ADAMTSL1: variants seen among roughly 807,000 people sequenced by gnomAD.
ADAMTSL1 encodes the protein ADAMTS like 1.
ADAMTSL1 carries 126 observed loss-of-function variants against 201.8 expected under a neutral mutation model. That is an observed-to-expected ratio of 0.62 (90% CI 0.54 to 0.72). The LOEUF (loss-of-function observed/expected upper bound fraction) is 0.72, where lower values mean the gene tolerates loss of function less well. Among genes scored for constraint, ADAMTSL1 ranks in the 30% least tolerant of loss-of-function variants. The pLI, the probability that ADAMTSL1 is intolerant of heterozygous loss-of-function variation, is 0.00. For missense variants in ADAMTSL1, 2,679 were observed against 2,277.8 expected, an observed-to-expected ratio of 1.18 and a Z score of -3.59; for synonymous variants, 1,121 against 903.4, an observed-to-expected ratio of 1.24 and a Z score of -4.32.
intron 1 of ADAMTSL1, among the ~76,000 whole-genome samples, chr9:18,064,949 T>A: frequency 7.6e-6 from 1 of 131,572 alleles, no homozygotes. Context: ...CAGTATTTGC[T>A]AAAGATTTTT....
intron 4 of ADAMTSL1, among the ~76,000 whole-genome samples, chr9:18,579,502 A>C (rs1180027169): frequency 6.6e-6 from 1 of 151,792 alleles, no homozygotes; most frequent in East Asian, 1.9e-4. Flanking sequence ...TAATTAAAAA[A>C]TAAATAAATA....
At position 18,118,187 on chromosome 9, in the gene ADAMTSL1, C is replaced by T. The variant is rs551043866; in HGVS notation, c.88-45675C>T. On this transcript the variant is annotated intron_variant, in intron 1 of 29. Transcript: ENST00000680146. ...CACTTGCATCTTGATTAAAAAGAGC[C>T]GTAGCTTCTATTCAGAAATGGAAAG... Among the ~76,000 whole-genome samples the T allele has an allele frequency of 5.1e-4, 77 of 152,238 alleles. No individual in the cohort carries two copies. In the South Asian group the frequency reaches 0.011, roughly 21 times the overall value.
At chr9:18,056,748 C>T (rs190271487) in intron 1 of ADAMTSL1, among the ~76,000 whole-genome samples, 1 of 152,246 alleles carries the variant, frequency 6.6e-6, no homozygotes, top group African/African-American at 2.4e-5. Flanking sequence ...AGTGGGGTAA[C>T]GTCCTGCTAC....
At chr9:18,030,138 GA>G (rs1364895634) in intron 1 of ADAMTSL1, among the ~76,000 whole-genome samples, 1 of 152,156 alleles carries the variant, frequency 6.6e-6, no homozygotes, top group African/African-American at 2.4e-5. Flanking sequence ...CAAAGACTTG[GA>G]ACCAACCCAA....
At chr9:18,522,757 C>T (rs1390380426) in intron 2 of ADAMTSL1, among the ~76,000 whole-genome samples, 1 of 151,976 alleles carries the variant, frequency 6.6e-6, no homozygotes, top group Non-Finnish European at 1.5e-5. Flanking sequence ...CATGTCCCTA[C>T]ATAGGACATG....
chr9:18,772,674 T>C (rs1265605179), intron 17 of ADAMTSL1, among the ~76,000 whole-genome samples: 1 of 152,224 alleles, frequency 6.6e-6, no homozygotes, highest in African/African-American at 2.4e-5. Context: ...ATATATTGCA[T>C]GTAAAATACT....
chr9:17,989,450 T>TA (rs1175581492), intron 1 of ADAMTSL1, among the ~76,000 whole-genome samples: 1 of 152,026 alleles, frequency 6.6e-6, no homozygotes, highest in Non-Finnish European at 1.5e-5. Flanking sequence ...TAGAGTGTTT[T>TA]AAAAAATCAC....
At chr9:18,873,269 A>G (rs955781145) in intron 23 of ADAMTSL1, among the ~76,000 whole-genome samples, 58 of 152,086 alleles carry the variant, frequency 3.8e-4, no homozygotes, top group African/African-American at 1.3e-3. Flanking sequence ...TCTGCTGATT[A>G]TTTCCTTTGC....
At chr9:18,124,077 GTTTTTTT>G (rs1157492042) in intron 1 of ADAMTSL1, among the ~76,000 whole-genome samples, 1 of 70,838 alleles carries the variant, frequency 1.4e-5, no homozygotes, top group Admixed American at 2.0e-4. Flanking sequence ...TTATTTGCCA[GTTTTTTT>G]TTTTTTTTTT....
chr9:18,207,963 TG>T (rs1829722945), intron 2 of ADAMTSL1, among the ~76,000 whole-genome samples: 1 of 152,212 alleles, frequency 6.6e-6, no homozygotes. Context: ...GCGTAGGTTT[TG>T]GAAGTTCACA....
At chr9:18,842,975 T>C (rs1181997477) in intron 23 of ADAMTSL1, among the ~76,000 whole-genome samples, 3 of 152,214 alleles carry the variant, frequency 2.0e-5, no homozygotes, top group Admixed American at 1.3e-4. Flanking sequence ...TGATGGGTCT[T>C]GACTCTTTAT....
chr9:18,816,194 A>G (rs891941102), intron 20 of ADAMTSL1, among the ~76,000 whole-genome samples: 3 of 152,110 alleles, frequency 2.0e-5, no homozygotes, highest in Admixed American at 2.0e-4. Flanking sequence ...CTACTTCTAT[A>G]AGATCAACTT....
chr9:18,162,864 T>C (rs1163509876), intron 1 of ADAMTSL1, among the ~76,000 whole-genome samples: 7 of 152,008 alleles, frequency 4.6e-5, no homozygotes, highest in Non-Finnish European at 8.8e-5. Context: ...TTTTACTTGT[T>C]CCTTGAGCAG....
At chr9:18,525,689 A>G (rs1166542191) in intron 2 of ADAMTSL1, among the ~76,000 whole-genome samples, 1 of 152,128 alleles carries the variant, frequency 6.6e-6, no homozygotes, top group Non-Finnish European at 1.5e-5. Flanking sequence ...TTCTGCCTTC[A>G]TTTCATTTTG....
intron 4 of ADAMTSL1, among the ~76,000 whole-genome samples, chr9:18,611,965 G>C (rs889256827): frequency 2.0e-5 from 3 of 152,116 alleles, no homozygotes; most frequent in African/African-American, 4.8e-5. Flanking sequence ...AAGGTAAAGG[G>C]AAGAGCCAGG....
chr9:18,684,609 G>C, intron 12 of ADAMTSL1, 107 bp from the exon 13 acceptor site: 1 of 1,235,644 alleles, frequency 8.1e-7, no homozygotes, highest in Non-Finnish European at 1.1e-6. Context: ...AAACTTATTC[G>C]TGTTGGTCAA....
At chr9:18,583,193 GT>G (rs1490962896) in intron 4 of ADAMTSL1, among the ~76,000 whole-genome samples, 1 of 152,224 alleles carries the variant, frequency 6.6e-6, no homozygotes, top group African/African-American at 2.4e-5. Flanking sequence ...GGAAAAAGTG[GT>G]TTCGTGGGCC....
At chr9:18,683,123 T>C (rs890595044) in intron 12 of ADAMTSL1, among the ~76,000 whole-genome samples, 3 of 152,128 alleles carry the variant, frequency 2.0e-5, no homozygotes, top group African/African-American at 7.2e-5. Context: ...AAAACAGCAA[T>C]AAAGTATTAC....
intron 2 of ADAMTSL1, among the ~76,000 whole-genome samples, chr9:18,374,383 T>C (rs922424684): frequency 2.0e-5 from 3 of 151,974 alleles, no homozygotes; most frequent in African/African-American, 4.8e-5. Context: ...CACCCAGCAA[T>C]TGTACAGTGG....
Sources: gnomAD v4.1 joint callset for allele counts (sites outside exome capture counted in the v4.1 genomes callset) on GRCh38, gnomAD v4.1.1 for gene constraint, MANE v1.5 for transcripts, NCBI Gene and HGNC (gene_info 2026-07-23, HGNC 2026-07-21) for gene names.